Variants in DHX33 observed in about 807,000 individuals in gnomAD.
The protein encoded by DHX33 is DEAH-box helicase 33, also known as ATP-dependent RNA helicase DHX33.
A neutral mutation model predicts 72.5 loss-of-function variants in DHX33; 42 were observed. That is an observed-to-expected ratio of 0.58 (90% confidence interval 0.45 to 0.75). DHX33 has a LOEUF of 0.75. DHX33 is among the 30% of genes least tolerant of loss of function. DHX33 has a pLI of 0.00. For missense variants in DHX33, 842 were observed against 917.5 expected (o/e 0.92, Z 1.06); for synonymous variants, 358 against 366.1 (o/e 0.98, Z 0.25).
At chr17:5,451,681 A>G (rs1916921033) in intron 8 of DHX33, among the ~76,000 whole-genome samples, 1 of 152,226 alleles carries the variant, frequency 6.6e-6, no homozygotes, top group African/African-American at 2.4e-5. Flanking sequence ...CCATGTAAAT[A>G]TAGTACCTAT....
In DHX33 at chr17:5,461,030, C is replaced by CGAG; in HGVS notation, c.757_758insCTC (p.Gly253delinsAlaArg). On this transcript the variant is annotated protein_altering_variant, in exon 4 of 12. Transcript: ENST00000225296. The stretch of plus-strand genomic sequence containing the variant: ...AAACACCTGGATCGGATGCTGCCGA[C>CGAG]CCTCTAGGTAGAGGACGGGGGCGCC... The CGAG allele has an allele frequency of 6.2e-7, 1 of 1,614,002 alleles. No homozygotes were observed. The highest frequency in any genetic ancestry group is 1.1e-5 in the South Asian group (1 of 91,058).
intron 10 of DHX33, among the ~76,000 whole-genome samples, chr17:5,449,639 G>T (rs1213162851): frequency 6.6e-6 from 1 of 152,190 alleles, no homozygotes; most frequent in Non-Finnish European, 1.5e-5. Context: ...GTTTTGCCAT[G>T]TTGGCCAGGC....
intron 11 of DHX33, among the ~76,000 whole-genome samples, chr17:5,446,333 C>T (rs1310351371): frequency 6.6e-6 from 1 of 152,182 alleles, no homozygotes; most frequent in African/African-American, 2.4e-5. Flanking sequence ...GTTGTCACCA[C>T]CTCCAAGAAG....
chr17:5,458,968 C>T (rs538002911), intron 4 of DHX33, among the ~76,000 whole-genome samples: 3 of 152,156 alleles, frequency 2.0e-5, no homozygotes, highest in Non-Finnish European at 2.9e-5. Flanking sequence ...GAGGCTGAGT[C>T]GGGAAAATCA....
chr17:5,444,038 AT>A lies in DHX33; in HGVS notation c.*166del. ...GTACAAATGATATGTCCATGTCTAT[AT>A]GGTTCAGTCCCAGGAGTTGAGCAAA... On this transcript the variant is annotated 3_prime_UTR_variant, in exon 12 of 12. Transcript: ENST00000225296. This position sits in a 1 kb window ranked among gnomAD's most constrained non-coding sequence, Gnocchi z 4.9. The A allele has an allele frequency of 2.8e-6, 2 of 727,194 alleles. No individual in the cohort carries two copies. Among genetic ancestry groups the A allele is most frequent in the Non-Finnish European group, 4.4e-6 (2 of 452,552 alleles). The allele number at this position is 727,194 out of a possible 1,614,324, so 45.0% of individuals were successfully genotyped here.
At position 5,468,751 on chromosome 17, in the gene DHX33, T is replaced by TCAGCAGCATC. The variant is rs776621096; in HGVS notation, c.99_108dup (p.Thr37AspfsTer32). The TCAGCAGCATC allele has an allele frequency of 1.1e-5, 17 of 1,610,992 alleles. No homozygotes were observed. The South Asian group carries it at 1.9e-4, about 18-fold the overall frequency. On this transcript the variant is annotated frameshift_variant, in exon 1 of 12. Coordinates refer to ENST00000225296, the MANE Select transcript of DHX33 (RefSeq NM_020162.4). LOFTEE classifies it high-confidence loss of function. ...CCTCCTCTGCCGCCGCTGCCCGCAG[T>TCAGCAGCATC]CAGCAGCATCACCACTTGCCTCCCG...
chr17:5,450,824 C>T lies in DHX33; in HGVS notation c.1507G>A (p.Glu503Lys). 3.1e-6 allele frequency: 5 copies of T among 1,614,132 alleles called. No homozygotes were observed. The highest frequency in any genetic ancestry group is 4.2e-6 in the Non-Finnish European group (5 of 1,180,030). ...TCATTTACTTTGGCAAATTTGGGTT[C>T]TAAAGGAAATGCTGCCATCTTTCTT... ...MGRKMAAFPLEPKFAKTILMS... is the reference protein window; with the variant it reads ...MGRKMAAFPLKPKFAKTILMS... The change falls in exon 9 of 12, where the codon GAA (glutamate) becomes AAA (lysine). Residue 503 changes from glutamate (E) to lysine (K), a missense_variant. Glu to Lys is a moderately conservative substitution (Grantham distance 56). Transcript: ENST00000225296.
At chr17:5,453,447 A>G (rs1283031283) in intron 8 of DHX33, 133 bp downstream of exon 8, 1 of 706,086 alleles carries the variant, frequency 1.4e-6, no homozygotes, top group African/African-American at 1.8e-5. Flanking sequence ...TGCTTCTCTA[A>G]TAACTAATGT....
Position 5,453,664 on chromosome 17 carries a change from T to C in DHX33, c.1312A>G (p.Asn438Asp). The stretch of plus-strand genomic sequence containing the variant: ...AGCTGAAGCATCACACTGGCCAGGT[T>C]ACACCTGTGAAGAGCATGAGACCAG... ...KMTVPEIQRC[N>D]LASVMLQLLA... is the part of the protein sequence containing the mutation. Residue 438 changes from asparagine to aspartate, a missense_variant, in exon 8 of 12, where the codon AAC becomes GAC. Transcript: ENST00000225296. The C allele has an allele frequency of 1.2e-6, 2 of 1,614,176 alleles. No homozygotes were observed. Among genetic ancestry groups the C allele is most frequent in the Non-Finnish European group, 1.7e-6 (2 of 1,180,012 alleles).
At chr17:5,463,447 G>A in intron 2 of DHX33, 82 bp downstream of exon 2, 1 of 1,425,326 alleles carries the variant, frequency 7.0e-7, no homozygotes, top group Admixed American at 2.0e-5. Flanking sequence ...AAGGAGTCTT[G>A]TTTAGAAAAA....
chr17:5,455,170 C>A lies in DHX33; in HGVS notation c.1137G>T (p.Lys379Asn). 2 of 1,613,442 alleles carry A rather than the reference C, an allele frequency of 1.2e-6. No individual in the cohort carries two copies. Among genetic ancestry groups the A allele is most frequent in the Non-Finnish European group, 1.7e-6 (2 of 1,179,368 alleles). Residue 379 changes from lysine to asparagine, a missense_variant, in exon 6 of 12, where the codon AAG becomes AAT. Coordinates refer to ENST00000225296, the MANE Select transcript of DHX33 (RefSeq NM_020162.4). ...VVDTGMVKAK[K>N]YNPDSGLEVL... ...ACTACAAATTCTCACCAGGGTTATA[C>A]TTCTTTGCTTTAACCATGCCCGTGT...
intron 11 of DHX33, among the ~76,000 whole-genome samples, chr17:5,446,038 A>T (rs931842854): frequency 6.6e-6 from 1 of 152,140 alleles, no homozygotes; most frequent in African/African-American, 2.4e-5. Context: ...CAGTGGCACA[A>T]TCCCAGCTCG....
rs1917182868 is a variant in DHX33 at position 5,456,139 on chromosome 17, T to A, written c.893A>T (p.Gln298Leu). ...SQDILVFLTG[Q>L]EEIEAMSKTC... ...CTTGCTCATGGCTTCGATCTCCTCC[T>A]GCCCAGTGAGGAACACCAGGATGTC... is the stretch of plus-strand genomic sequence containing the variant. Residue 298 changes from glutamine to leucine, a missense_variant, in exon 5 of 12, where the codon CAG becomes CTG. By Grantham distance (113) the Gln-to-Leu change is moderately radical (BLOSUM62 -2). Transcript: ENST00000225296. The A allele has an allele frequency of 2.5e-6, 4 of 1,614,068 alleles. No individual in the cohort carries two copies. Among genetic ancestry groups the A allele is most frequent in the Admixed American group, 1.7e-5 (1 of 60,010 alleles).
At chr17:5,468,409 T>G (rs1200966934) in intron 1 of DHX33, among the ~76,000 whole-genome samples, 162 bp downstream of exon 1, 1 of 152,246 alleles carries the variant, frequency 6.6e-6, no homozygotes, top group Non-Finnish European at 1.5e-5. Flanking sequence ...AGGGCAGGGC[T>G]GCCGGACTCT....
In DHX33 at chr17:5,450,321, T is replaced by C. The variant is rs1418584530; in HGVS notation, c.1610A>G (p.Asn537Ser). The change falls in exon 10 of 12, where the codon AAC becomes AGC. Residue 537 changes from asparagine to serine, a missense_variant. Asn to Ser is a conservative substitution (Grantham distance 46). Coordinates refer to ENST00000225296, the MANE Select transcript of DHX33 (RefSeq NM_020162.4). ...CACTTCCTCTCGCCGGGAAGGAGGGTTGTGGAGGACGCTGTCCACAGACAG... is the reference window on the plus strand; with the variant it reads ...CACTTCCTCTCGCCGGGAAGGAGGGCTGTGGAGGACGCTGTCCACAGACAG... ...SLLSVDSVLH[N>S]PPSRREEVQG... The C allele has an allele frequency of 1.2e-6, 2 of 1,614,012 alleles. No homozygotes were observed. The highest frequency in any genetic ancestry group is 1.7e-6 in the Non-Finnish European group (2 of 1,180,000).
At position 5,443,596 on chromosome 17, in the gene DHX33, A is replaced by G. The variant is rs1449860010; in HGVS notation, c.*609T>C. The G allele has an allele frequency of 6.6e-6, 1 of 152,558 alleles. No individual in the cohort carries two copies. Among genetic ancestry groups the G allele is most frequent in the African/African-American group, 2.4e-5 (1 of 41,436 alleles). The allele number at this position is 152,558 out of a possible 1,614,324, so 9.5% of individuals were successfully genotyped here. A position where few individuals can be genotyped will look rare whatever the true frequency, so the allele number is the denominator to read the frequency against. The stretch of plus-strand genomic sequence containing the variant: ...GGATCGCCATCCCAGGAGGTACGAG[A>G]TAACAGCACCTCCCTCTGGAAACTT... On this transcript the variant is annotated 3_prime_UTR_variant, in exon 12 of 12. Transcript: ENST00000225296.
At chr17:5,463,980 G>GCATGC (rs776462843) in intron 1 of DHX33, among the ~76,000 whole-genome samples, 5 of 152,022 alleles carry the variant, frequency 3.3e-5, no homozygotes, top group Non-Finnish European at 5.9e-5. Context: ...TTGTGCCACT[G>GCATGC]CATGCCAGCC....
At chr17:5,461,646 C>G in intron 3 of DHX33, among the ~76,000 whole-genome samples, 1 of 149,522 alleles carries the variant, frequency 6.7e-6, no homozygotes, top group Non-Finnish European at 1.5e-5. Flanking sequence ...CAGTCTTGTT[C>G]AAGTGACTCT....
In DHX33 at chr17:5,450,081, T is replaced by C. The variant is rs1489614137; in HGVS notation, c.1728+122A>G. 3 of 1,190,026 alleles carry C rather than the reference T, an allele frequency of 2.5e-6. No homozygotes were observed. The Admixed American group carries it at 6.7e-5, about 26-fold the overall frequency. The allele number at this position is 1,190,026 out of a possible 1,614,324, so 73.7% of individuals were successfully genotyped here. ...ATGCTGTCTGGCTTTCTTTTTGTGA[T>C]TCTTTAGATAATTTAGCCAAAAAGG... On this transcript the variant is annotated intron_variant, in intron 10 of 11. Coordinates refer to ENST00000225296, the MANE Select transcript of DHX33 (RefSeq NM_020162.4).
Sources: allele counts gnomAD v4.1 joint callset (sites outside exome capture counted in the v4.1 genomes callset), GRCh38; gene constraint gnomAD v4.1.1; non-coding constraint Gnocchi (gnomAD v3.1); transcripts MANE v1.5; gene names NCBI Gene and HGNC (gene_info 2026-07-23, HGNC 2026-07-21).